The following CACNA2D1 variants were observed in gnomAD, a reference collection of about 807,000 sequenced individuals.
CACNA2D1 encodes calcium voltage-gated channel auxiliary subunit alpha2delta 1.
Under a neutral mutation model 171.5 loss-of-function variants are expected in CACNA2D1, and 53 were observed. The ratio of observed to expected loss-of-function variants is 0.31; its 90% CI spans 0.25 to 0.39. CACNA2D1 has a LOEUF of 0.39. CACNA2D1 is among the 10% of genes least tolerant of loss of function. The pLI, the probability that CACNA2D1 is intolerant of heterozygous loss-of-function variation, is 1.00. For synonymous variants in CACNA2D1, 442 were observed against 443.1 expected, an observed-to-expected ratio of 1.00 and a Z score of 0.03; for missense variants, 903 against 1,299.8, an observed-to-expected ratio of 0.69 and a Z score of 4.69.
chr7:82,144,185 C>A (rs1792716070), intron 4 of CACNA2D1, among the ~76,000 whole-genome samples: 1 of 135,446 alleles, frequency 7.4e-6, no homozygotes, highest in Non-Finnish European at 1.6e-5. Context: ...TAGGAAAAAT[C>A]ATTTTTTTTT....
rs187080317 is a variant in CACNA2D1 at position 82,353,162 on chromosome 7, A to C, written c.96-3513T>G. On this transcript the variant is annotated intron_variant, in intron 1 of 38. Coordinates refer to ENST00000356860, the MANE Select transcript of CACNA2D1 (RefSeq NM_000722.4). ...AAATGAGATGGACTCAGACTAATTC[A>C]GTGGTGGTGAAAGGGATAAAGGGAA... is the stretch of plus-strand genomic sequence containing the variant. Among the ~76,000 whole-genome samples, 106 of 152,276 alleles carry C rather than the reference A, an allele frequency of 7.0e-4. 1 individual carries two copies. Among genetic ancestry groups the C allele is most frequent in the African/African-American group, 2.5e-3 (104 of 41,566 alleles).
chr7:82,022,817 T>A (rs1206432857), intron 12 of CACNA2D1, among the ~76,000 whole-genome samples: 1 of 151,926 alleles, frequency 6.6e-6, no homozygotes, highest in African/African-American at 2.4e-5. Flanking sequence ...AAAATGGATT[T>A]ATTGTCAAGT....
intron 3 of CACNA2D1, among the ~76,000 whole-genome samples, chr7:82,177,020 C>T (rs1191283617): frequency 7.6e-6 from 1 of 131,226 alleles, no homozygotes; most frequent in Non-Finnish European, 1.5e-5. Context: ...AGGAAGGATC[C>T]TAAAAATAGT....
chr7:82,361,086 C>T (rs1213331384), intron 1 of CACNA2D1, among the ~76,000 whole-genome samples: 4 of 152,046 alleles, frequency 2.6e-5, no homozygotes, highest in Non-Finnish European at 5.9e-5. Context: ...TGCTTTCAAC[C>T]TTTTTGTCCT....
chr7:82,266,565 G>A (rs1375987601), intron 3 of CACNA2D1, among the ~76,000 whole-genome samples: 1 of 152,046 alleles, frequency 6.6e-6, no homozygotes, highest in Non-Finnish European at 1.5e-5. Flanking sequence ...CACTCAGGCT[G>A]GAGTGCAATG....
chr7:82,097,374 G>A (rs1812015041), intron 6 of CACNA2D1, among the ~76,000 whole-genome samples: 1 of 152,100 alleles, frequency 6.6e-6, no homozygotes, highest in South Asian at 2.1e-4. Flanking sequence ...AAGAGAGAAA[G>A]CAGGTACCAT....
chr7:82,267,340 T>TA (rs1323153012), intron 3 of CACNA2D1, among the ~76,000 whole-genome samples: 3 of 152,296 alleles, frequency 2.0e-5, no homozygotes, highest in African/African-American at 7.2e-5. Context: ...ATCTTTTGCT[T>TA]ATTGATCTGT....
chr7:82,013,374 TA>T, intron 14 of CACNA2D1, 86 bp downstream of exon 14: 1 of 472,376 alleles, frequency 2.1e-6, no homozygotes. Flanking sequence ...TCATTCTTGC[TA>T]ATTTTCTCCA....
At chr7:82,220,493 A>C (rs928367399) in intron 3 of CACNA2D1, among the ~76,000 whole-genome samples, 2 of 152,182 alleles carry the variant, frequency 1.3e-5, no homozygotes, top group African/African-American at 2.4e-5. Context: ...GGACCCAAAA[A>C]GCTTTTGTGT....
At chr7:81,981,991 T>A (rs1223350221) in intron 24 of CACNA2D1, among the ~76,000 whole-genome samples, 2 of 152,212 alleles carry the variant, frequency 1.3e-5, no homozygotes, top group East Asian at 3.8e-4. Context: ...TATATATGTG[T>A]ACATATGTGT....
intron 10 of CACNA2D1, among the ~76,000 whole-genome samples, chr7:82,042,239 T>G (rs1377590305): frequency 6.6e-6 from 1 of 152,194 alleles, no homozygotes; most frequent in East Asian, 1.9e-4. Flanking sequence ...TATCTTAGAC[T>G]CATCAGCTTA....
chr7:82,185,501 A>AGGGGAGGGTGAGGGGGAGGAGGAGG (rs1797603432), intron 3 of CACNA2D1, among the ~76,000 whole-genome samples: 1 of 7,352 alleles, frequency 1.4e-4, no homozygotes, highest in African/African-American at 3.1e-4. Flanking sequence ...GGGGGAGGGG[A>AGGGGAGGGTGAGGGGGAGGAGGAGG]GGGGGAGGGG....
intron 1 of CACNA2D1, among the ~76,000 whole-genome samples, chr7:82,428,505 C>T (rs2129458388): frequency 6.6e-6 from 1 of 152,188 alleles, no homozygotes; most frequent in East Asian, 1.9e-4. Context: ...ATGTGAAAAG[C>T]ATAAGAGAAA....
chr7:82,378,938 CGTGTGTGTG>C (rs1823341905), intron 1 of CACNA2D1, among the ~76,000 whole-genome samples: 2 of 139,094 alleles, frequency 1.4e-5, no homozygotes, highest in Admixed American at 1.5e-4. Context: ...GGGGTTGACT[CGTGTGTGTG>C]TGTGTGTGTG....
chr7:82,307,591 A>C (rs1190960102), intron 3 of CACNA2D1, among the ~76,000 whole-genome samples: 1 of 151,872 alleles, frequency 6.6e-6, no homozygotes, highest in African/African-American at 2.4e-5. Context: ...AACTTTTGAC[A>C]TTTTGGGGTA....
intron 14 of CACNA2D1, among the ~76,000 whole-genome samples, chr7:82,012,714 C>A (rs941868188): frequency 4.6e-5 from 7 of 152,020 alleles, no homozygotes; most frequent in Non-Finnish European, 1.0e-4. Flanking sequence ...AAATACTGTG[C>A]CAAATCTAGA....
At chr7:82,121,110 G>C (rs1359052835) in intron 5 of CACNA2D1, among the ~76,000 whole-genome samples, 1 of 152,082 alleles carries the variant, frequency 6.6e-6, no homozygotes, top group East Asian at 1.9e-4. Context: ...CCAGCCTGGA[G>C]TACAGTGGCA....
chr7:82,432,652 A>G (rs1829789455), intron 1 of CACNA2D1, among the ~76,000 whole-genome samples: 2 of 152,138 alleles, frequency 1.3e-5, no homozygotes. Flanking sequence ...TGGTTTTTTA[A>G]TCTTCTAGAG....
intron 10 of CACNA2D1, among the ~76,000 whole-genome samples, chr7:82,045,773 G>A (rs1804481958): frequency 1.3e-5 from 2 of 152,108 alleles, no homozygotes; most frequent in Admixed American, 6.6e-5. Flanking sequence ...CCATTAAGTT[G>A]TTTAACTTTC....
Sources: allele counts gnomAD v4.1 joint callset (sites outside exome capture counted in the v4.1 genomes callset), GRCh38; gene constraint gnomAD v4.1.1; transcripts MANE v1.5; gene names NCBI Gene and HGNC (gene_info 2026-07-23, HGNC 2026-07-21).